ANP32B: variants seen among roughly 807,000 people sequenced by gnomAD.
ANP32B encodes acidic leucine-rich nuclear phosphoprotein 32 family member B.
In ANP32B, 6 loss-of-function variants were observed where a neutral mutation model predicts 32.2. The observed-to-expected ratio is 0.19, with a 90% CI of 0.10 to 0.37. The LOEUF is 0.37. Among genes scored for constraint, ANP32B ranks in the 10% least tolerant of loss-of-function variants. ANP32B has a pLI of 1.00. For missense variants in ANP32B, 204 were observed against 289.2 expected (o/e 0.71, Z 2.14); for synonymous variants, 98 against 105.8 (o/e 0.93, Z 0.45).
intron 1 of ANP32B, chr9:97,984,496 C>G (rs574328711): frequency 1.3e-5 from 2 of 151,272 alleles, no homozygotes; most frequent in African/African-American, 4.8e-5. Flanking sequence ...GGCCCCTGCC[C>G]TTGCCCCGGG....
intron 4 of ANP32B, among the ~76,000 whole-genome samples, 162 bp from the exon 5 acceptor site, chr9:98,011,109 T>C (rs1314413925): frequency 6.6e-6 from 1 of 152,212 alleles, no homozygotes; most frequent in Non-Finnish European, 1.5e-5. Context: ...TATGGGACTC[T>C]ATCGGACAAA....
At chr9:98,011,420 T>A (rs1828183833) in intron 5 of ANP32B, 31 bp downstream of exon 5, 1 of 1,563,010 alleles carries the variant, frequency 6.4e-7, no homozygotes, top group African/African-American at 1.4e-5. Flanking sequence ...CCCTGCTTCC[T>A]ATTTGTAATT....
intron 1 of ANP32B, among the ~76,000 whole-genome samples, chr9:97,985,269 G>A (rs1399793716): frequency 1.3e-5 from 2 of 152,166 alleles, no homozygotes; most frequent in Non-Finnish European, 2.9e-5. Context: ...GGGTTTACCT[G>A]GTGTGCTCGA....
chr9:98,005,783 C>A (rs1242750460), intron 4 of ANP32B, among the ~76,000 whole-genome samples: 2 of 152,140 alleles, frequency 1.3e-5, no homozygotes, highest in Non-Finnish European at 2.9e-5. Context: ...AAACTGTAAA[C>A]CGCTTGCTCT....
At chr9:97,984,920 C>T (rs1412690581) in intron 1 of ANP32B, among the ~76,000 whole-genome samples, 3 of 150,884 alleles carry the variant, frequency 2.0e-5, no homozygotes, top group Non-Finnish European at 3.0e-5. Context: ...TGCTTGAGAG[C>T]GGCCTGGTGC....
intron 1 of ANP32B, among the ~76,000 whole-genome samples, chr9:97,990,243 G>GTGT (rs1827801134): frequency 6.6e-6 from 1 of 152,194 alleles, no homozygotes; most frequent in South Asian, 2.1e-4. Flanking sequence ...CTGTGTATGT[G>GTGT]TGTTGCACAT....
At chr9:97,984,007 C>T (rs1167927235) in intron 1 of ANP32B, among the ~76,000 whole-genome samples, 1 of 150,042 alleles carries the variant, frequency 6.7e-6, no homozygotes, top group Non-Finnish European at 1.5e-5. Flanking sequence ...CGAGGAGCTG[C>T]GCGGCCATCC....
intron 1 of ANP32B, among the ~76,000 whole-genome samples, chr9:97,993,858 C>T (rs1439549552): frequency 6.6e-6 from 1 of 152,174 alleles, no homozygotes; most frequent in Non-Finnish European, 1.5e-5. Flanking sequence ...GTCTTGAACC[C>T]CAGACCTCAG....
intron 2 of ANP32B, among the ~76,000 whole-genome samples, chr9:97,995,118 A>G (rs1294269800): frequency 6.6e-6 from 1 of 152,242 alleles, no homozygotes; most frequent in African/African-American, 2.4e-5. Flanking sequence ...TAATTGTTAT[A>G]AAAACAATTC....
intron 1 of ANP32B, among the ~76,000 whole-genome samples, chr9:97,984,116 G>A (rs1200605516): frequency 6.7e-6 from 1 of 149,770 alleles, no homozygotes; most frequent in Non-Finnish European, 1.5e-5. Flanking sequence ...CTCGCCGTGG[G>A]CGCCGGCCCG....
intron 4 of ANP32B, among the ~76,000 whole-genome samples, chr9:98,009,451 T>G (rs1344006054): frequency 6.6e-6 from 1 of 152,194 alleles, no homozygotes; most frequent in East Asian, 1.9e-4. Flanking sequence ...TTTCCACAGA[T>G]GCAGGGAAGG....
chr9:97,989,430 A>G (rs953081927), intron 1 of ANP32B, among the ~76,000 whole-genome samples: 2 of 152,156 alleles, frequency 1.3e-5, no homozygotes, highest in African/African-American at 4.8e-5. Context: ...GTTTAATTGG[A>G]GCATGAGGGA....
intron 6 of ANP32B, 134 bp from the exon 7 acceptor site, chr9:98,015,230 C>T: frequency 7.9e-7 from 1 of 1,269,668 alleles, no homozygotes; most frequent in African/African-American, 1.5e-5. Context: ...TATTAGTCAC[C>T]TATATTAATC....
chr9:97,988,413 T>C (rs1039041944), intron 1 of ANP32B, among the ~76,000 whole-genome samples: 4 of 152,246 alleles, frequency 2.6e-5, no homozygotes, highest in African/African-American at 9.6e-5. Flanking sequence ...CCTAAACACA[T>C]TGGAGAACCA....
chr9:98,013,303 A>G (rs1400427428), intron 6 of ANP32B, among the ~76,000 whole-genome samples: 2 of 152,210 alleles, frequency 1.3e-5, no homozygotes, highest in African/African-American at 4.8e-5. Flanking sequence ...CTCGGATTAC[A>G]GGTGTGAGCC....
At chr9:98,009,030 G>C (rs1300205818) in intron 4 of ANP32B, among the ~76,000 whole-genome samples, 5 of 152,084 alleles carry the variant, frequency 3.3e-5, no homozygotes. Flanking sequence ...ACACTGAGTA[G>C]GTACTTGGTA....
chr9:98,001,821 G>A (rs1365677882), intron 3 of ANP32B, among the ~76,000 whole-genome samples: 1 of 152,024 alleles, frequency 6.6e-6, no homozygotes, highest in African/African-American at 2.4e-5. Flanking sequence ...ACATTTACTG[G>A]GTGCTTTATG....
chr9:98,011,172 T>TA, intron 4 of ANP32B, 99 bp from the exon 5 acceptor site: 2 of 1,471,908 alleles, frequency 1.4e-6, no homozygotes, highest in Non-Finnish European at 1.8e-6. Flanking sequence ...TTCGTGGCCT[T>TA]ACAGCATTTG....
At chr9:98,008,742 T>C (rs1413212929) in intron 4 of ANP32B, among the ~76,000 whole-genome samples, 1 of 152,202 alleles carries the variant, frequency 6.6e-6, no homozygotes, top group Non-Finnish European at 1.5e-5. Flanking sequence ...TGGGACTGTC[T>C]AGTTGCAGGG....
Sources: allele counts gnomAD v4.1 joint callset (sites outside exome capture counted in the v4.1 genomes callset), GRCh38; gene constraint gnomAD v4.1.1; transcripts MANE v1.5; gene names NCBI Gene and HGNC (gene_info 2026-07-23, HGNC 2026-07-21).